Variants in CDH12 observed in about 807,000 individuals in gnomAD.
CDH12 encodes the protein cadherin 12.
CDH12 carries 41 observed loss-of-function variants against 74.1 expected under a neutral mutation model. The ratio of observed to expected loss-of-function variants is 0.55; its 90% CI spans 0.43 to 0.72. CDH12 has a LOEUF of 0.72. CDH12 is among the 30% of genes least tolerant of loss of function. The probability of loss-of-function intolerance (pLI) is 0.00; values close to 1 mark genes in which losing one functional copy is unlikely to be tolerated. For synonymous variants in CDH12, 399 were observed against 355.0 expected (o/e 1.12, Z -1.39); for missense variants, 945 against 977.2 (o/e 0.97, Z 0.44).
intron 1 of CDH12, among the ~76,000 whole-genome samples, chr5:22,663,270 T>A (rs1397555118): frequency 6.6e-6 from 1 of 152,204 alleles, no homozygotes; most frequent in African/African-American, 2.4e-5. Context: ...TTTTATCTAA[T>A]CATTTATCTT....
intron 1 of CDH12, among the ~76,000 whole-genome samples, chr5:22,758,366 A>G (rs985355481): frequency 1.3e-5 from 2 of 152,150 alleles, no homozygotes; most frequent in African/African-American, 4.8e-5. Context: ...AAAGAAGACC[A>G]TTGACAGCCA....
chr5:21,991,684 C>T (rs182199060), intron 5 of CDH12, among the ~76,000 whole-genome samples: 16 of 151,502 alleles, frequency 1.1e-4, no homozygotes, highest in Admixed American at 1.1e-3. Flanking sequence ...GCATCCATTA[C>T]TGTGGGGATT....
chr5:21,796,715 C>A (rs1247921071), intron 10 of CDH12, among the ~76,000 whole-genome samples: 1 of 151,938 alleles, frequency 6.6e-6, no homozygotes, highest in Non-Finnish European at 1.5e-5. Context: ...GACTTTTATA[C>A]GTTTGGAACA....
At chr5:22,081,339 A>G (rs939089070) in intron 4 of CDH12, among the ~76,000 whole-genome samples, 1 of 152,116 alleles carries the variant, frequency 6.6e-6, no homozygotes. Context: ...AAGCATGGTA[A>G]TGTATTTTTT....
At chr5:22,593,664 T>A (rs1299122101) in intron 1 of CDH12, among the ~76,000 whole-genome samples, 2 of 152,152 alleles carry the variant, frequency 1.3e-5, no homozygotes, top group East Asian at 1.9e-4. Flanking sequence ...TAACTCCAAG[T>A]GGTTATTAAA....
At chr5:22,745,065 G>A (rs559552248) in intron 1 of CDH12, among the ~76,000 whole-genome samples, 4 of 151,498 alleles carry the variant, frequency 2.6e-5, no homozygotes, top group African/African-American at 9.7e-5. Flanking sequence ...AGATCTGCTG[G>A]AATTATTGAC....
intron 1 of CDH12, among the ~76,000 whole-genome samples, chr5:22,578,748 G>A (rs1739922564): frequency 6.6e-6 from 1 of 151,832 alleles, no homozygotes; most frequent in Non-Finnish European, 1.5e-5. Flanking sequence ...TGGTGGGGGA[G>A]GGTAACAGGG....
At chr5:22,220,016 G>T (rs1173948856) in intron 3 of CDH12, among the ~76,000 whole-genome samples, 2 of 151,704 alleles carry the variant, frequency 1.3e-5, no homozygotes, top group Admixed American at 6.6e-5. Context: ...TGTCCAATTG[G>T]ATGCAGGCTT....
intron 5 of CDH12, among the ~76,000 whole-genome samples, chr5:22,071,626 A>T (rs1245746707): frequency 5.9e-5 from 9 of 152,014 alleles, no homozygotes; most frequent in Admixed American, 2.6e-4. Flanking sequence ...GGTTCTCTTA[A>T]ATTATCTGTA....
chr5:22,242,809 C>A (rs1322841889), intron 3 of CDH12, among the ~76,000 whole-genome samples: 1 of 152,182 alleles, frequency 6.6e-6, no homozygotes, highest in Non-Finnish European at 1.5e-5. Flanking sequence ...CCAAGCAATA[C>A]TCCTTCCAGA....
At position 22,491,619 on chromosome 5, in the gene CDH12, A is replaced by AAAAC. The variant is rs1554044831; in HGVS notation, c.-428+13650_-428+13651insGTTT. On this transcript the variant is annotated intron_variant, in intron 2 of 14. Transcript: ENST00000382254. ...AAGGACAGCTAATGAGCAAAAAAAA[A>AAAAC]AACAAAAAAAAAAACAAAAACAACA... Among the ~76,000 whole-genome samples the AAAAC allele has an allele frequency of 4.0e-4, 13 of 32,482 alleles. 1 individual carries two copies. Among genetic ancestry groups the AAAAC allele is most frequent in the African/African-American group, 1.8e-3 (13 of 7,366 alleles). The allele number at this position is 32,482 out of a possible 152,430, so 21.3% of individuals were successfully genotyped here. A position where few individuals can be genotyped will look rare whatever the true frequency, so the allele number is the denominator to read the frequency against.
chr5:21,910,090 C>T (rs952742571), intron 6 of CDH12, among the ~76,000 whole-genome samples: 3 of 152,134 alleles, frequency 2.0e-5, no homozygotes, highest in African/African-American at 4.8e-5. Context: ...GTTTGCTTAG[C>T]AGTCATTCCC....
chr5:22,169,331 G>A, intron 4 of CDH12, among the ~76,000 whole-genome samples: 1 of 151,828 alleles, frequency 6.6e-6, no homozygotes, highest in East Asian at 1.9e-4. Context: ...ACACTAACCT[G>A]CTTACTGAGC....
intron 1 of CDH12, among the ~76,000 whole-genome samples, chr5:22,548,666 A>G (rs1738434185): frequency 6.6e-6 from 1 of 151,998 alleles, no homozygotes; most frequent in Admixed American, 6.6e-5. Flanking sequence ...GTGTATCTCT[A>G]TAACATATCC....
intron 1 of CDH12, among the ~76,000 whole-genome samples, chr5:22,571,213 C>A (rs1403085437): frequency 2.0e-5 from 3 of 152,260 alleles, no homozygotes; most frequent in African/African-American, 7.2e-5. Context: ...TTTTAATTTC[C>A]TCCGAGAACT....
At chr5:21,997,150 G>C (rs1054022923) in intron 5 of CDH12, among the ~76,000 whole-genome samples, 4 of 152,078 alleles carry the variant, frequency 2.6e-5, no homozygotes, top group African/African-American at 9.7e-5. Flanking sequence ...TAAAGTATTT[G>C]TCCAGCATAT....
intron 1 of CDH12, among the ~76,000 whole-genome samples, chr5:22,592,817 A>G (rs1028715971): frequency 6.6e-6 from 1 of 151,642 alleles, no homozygotes; most frequent in Non-Finnish European, 1.5e-5. Context: ...ATCACCTGAG[A>G]TCAGGTGTTC....
At chr5:22,735,392 T>C (rs1194547355) in intron 1 of CDH12, among the ~76,000 whole-genome samples, 1 of 151,906 alleles carries the variant, frequency 6.6e-6, no homozygotes, top group Non-Finnish European at 1.5e-5. Context: ...TATACACAGA[T>C]GTTTAAGAAG....
chr5:21,831,860 C>T (rs1050580353), intron 8 of CDH12, among the ~76,000 whole-genome samples: 5 of 151,984 alleles, frequency 3.3e-5, no homozygotes, highest in Non-Finnish European at 7.4e-5. Context: ...AGTAAAGTCT[C>T]ATATTTGAGT....
Sources: gnomAD v4.1 joint callset for allele counts (sites outside exome capture counted in the v4.1 genomes callset) on GRCh38, gnomAD v4.1.1 for gene constraint, MANE v1.5 for transcripts, NCBI Gene and HGNC (gene_info 2026-07-23, HGNC 2026-07-21) for gene names.